The following ACP1 variants were observed in gnomAD, a reference collection of about 807,000 sequenced individuals.
ACP1 encodes acid phosphatase 1.
Under a neutral mutation model 23.4 loss-of-function variants are expected in ACP1, and 23 were observed. That is an observed-to-expected ratio of 0.98 (90% confidence interval 0.71 to 1.39). ACP1 has a LOEUF of 1.39. ACP1 is among the 40% of genes most tolerant of loss of function. The pLI, the probability that ACP1 is intolerant of heterozygous loss-of-function variation, is 0.00. For synonymous variants in ACP1, 72 were observed against 67.2 expected (o/e 1.07, Z -0.35); for missense variants, 180 against 197.7 (o/e 0.91, Z 0.54).
intron 1 of ACP1, chr2:265,302 A>T: frequency 2.7e-6 from 1 of 373,268 alleles, no homozygotes; most frequent in Non-Finnish European, 4.8e-6. Flanking sequence ...GACTACTAGA[A>T]TCCCTCTCGT....
chr2:267,505 C>A (rs944103001), intron 1 of ACP1, among the ~76,000 whole-genome samples: 1 of 152,142 alleles, frequency 6.6e-6, no homozygotes, highest in Admixed American at 6.5e-5. Context: ...GGAAGCAAGC[C>A]TAGGATATTT....
chr2:277,436 C>G lies in ACP1; in HGVS notation c.*132C>G. 2 of 757,656 alleles carry G rather than the reference C, an allele frequency of 2.6e-6. No individual in the cohort carries two copies. Among genetic ancestry groups the G allele is most frequent in the Non-Finnish European group, 4.6e-6 (2 of 437,614 alleles). 46.9% of individuals were successfully genotyped at this position (757,656 alleles called of 1,614,324 possible). On this transcript the variant is annotated 3_prime_UTR_variant, in exon 6 of 6. Transcript: ENST00000272065. ...TGTTCAGTTGACTTACTGTTTCTTA[C>G]CTTAAAAAGTAATTGTAGATGGAAA... is the stretch of plus-strand genomic sequence containing the variant.
intron 3 of ACP1, among the ~76,000 whole-genome samples, chr2:273,835 T>A (rs1670106064): frequency 6.6e-6 from 1 of 152,208 alleles, no homozygotes; most frequent in Non-Finnish European, 1.5e-5. Context: ...TAGTATTAAA[T>A]CCTAGGGAAT....
intron 1 of ACP1, 144 bp downstream of exon 1, chr2:265,151 G>T (rs933453010): frequency 3.3e-6 from 3 of 907,242 alleles, no homozygotes; most frequent in Non-Finnish European, 4.8e-6. Flanking sequence ...CTAGGAGTGT[G>T]CCGCAGCGCC....
At chr2:266,913 A>T (rs1479553566) in intron 1 of ACP1, among the ~76,000 whole-genome samples, 1 of 152,082 alleles carries the variant, frequency 6.6e-6, no homozygotes, top group African/African-American at 2.4e-5. Context: ...ATTTCGGGCC[A>T]TTATTAGTAA....
Position 276,477 on chromosome 2 carries a change from G to A in ACP1, c.294-503G>A, listed in dbSNP as rs552679203. On this transcript the variant is annotated intron_variant, in intron 4 of 5. Coordinates refer to ENST00000272065, the MANE Select transcript of ACP1 (RefSeq NM_004300.4). ...GTTAAGTTTGCCTTTTTCTTTTGTA[G>A]CAATGTGAAAGCTAAGGGTGGAAGT... Among the ~76,000 whole-genome samples, 43 of 152,264 alleles carry A rather than the reference G, an allele frequency of 2.8e-4. No homozygotes were observed. In the South Asian group the frequency reaches 3.7e-3, roughly 13 times the overall value.
intron 1 of ACP1, 31 bp from the exon 2 acceptor site, chr2:271,835 C>G: frequency 1.9e-6 from 3 of 1,585,798 alleles, no homozygotes; most frequent in Non-Finnish European, 2.6e-6. Flanking sequence ...CCAACCTAAC[C>G]CTGTTTCCCC....
chr2:267,437 T>C (rs1669920838), intron 1 of ACP1, among the ~76,000 whole-genome samples: 1 of 152,136 alleles, frequency 6.6e-6, no homozygotes, highest in Non-Finnish European at 1.5e-5. Context: ...TTGAGTGGGA[T>C]GGTCAGGGAA....
chr2:272,271 A>G, intron 3 of ACP1, 121 bp downstream of exon 3: 1 of 1,614,098 alleles, frequency 6.2e-7, no homozygotes, highest in Non-Finnish European at 8.5e-7. Flanking sequence ...TGCCTAAGAA[A>G]TCATGGCATT....
chr2:277,385 G>C lies in ACP1; in HGVS notation c.*81G>C. ...CATTTCTCAGTCGGTGTGTAATCAC[G>C]TTCCAGGGCCCAAAGCCCAGCTCTT... On this transcript the variant is annotated 3_prime_UTR_variant, in exon 6 of 6. Coordinates refer to ENST00000272065, the MANE Select transcript of ACP1 (RefSeq NM_004300.4). The C allele has an allele frequency of 8.0e-7, 1 of 1,251,356 alleles. No individual in the cohort carries two copies. The highest frequency in any genetic ancestry group is 1.2e-6 in the Non-Finnish European group (1 of 850,980). The allele number at this position is 1,251,356 out of a possible 1,614,324, so 77.5% of individuals were successfully genotyped here.
chr2:270,189 A>G (rs138514076), intron 1 of ACP1, among the ~76,000 whole-genome samples: 127 of 152,354 alleles, frequency 8.3e-4, no homozygotes, highest in African/African-American at 3.0e-3. Context: ...TCTTCAGGTT[A>G]GGGCACAGTG....
intron 3 of ACP1, chr2:272,398 G>A (rs1670071248): frequency 1.3e-6 from 2 of 1,503,562 alleles, no homozygotes; most frequent in Non-Finnish European, 1.8e-6. Context: ...TAATGAATGT[G>A]TTTATTTAGG....
intron 1 of ACP1, among the ~76,000 whole-genome samples, chr2:269,651 C>T (rs1017293238): frequency 6.6e-6 from 1 of 152,142 alleles, no homozygotes; most frequent in Non-Finnish European, 1.5e-5. Flanking sequence ...GAAGCAAGGT[C>T]GTAGAAACCA....
At chr2:266,709 C>T (rs188754884) in intron 1 of ACP1, among the ~76,000 whole-genome samples, 9 of 152,286 alleles carry the variant, frequency 5.9e-5, no homozygotes, top group Non-Finnish European at 8.8e-5. Context: ...AGACAGCAGA[C>T]GATCAGGAAT....
At chr2:267,853 C>T (rs1669930111) in intron 1 of ACP1, among the ~76,000 whole-genome samples, 1 of 152,166 alleles carries the variant, frequency 6.6e-6, no homozygotes, top group Non-Finnish European at 1.5e-5. Flanking sequence ...ACAAAGTAGC[C>T]ATCCATATGA....
chr2:265,408 T>C (rs976719734), intron 1 of ACP1: 2 of 172,340 alleles, frequency 1.2e-5, no homozygotes, highest in East Asian at 3.1e-4. Context: ...TTTTGTTTGC[T>C]AGTTTCCTTA....
intron 1 of ACP1, among the ~76,000 whole-genome samples, chr2:269,639 C>T (rs1359899338): frequency 6.6e-6 from 1 of 152,194 alleles, no homozygotes; most frequent in African/African-American, 2.4e-5. Context: ...AGAGCAGCCC[C>T]AGAAGCAAGG....
At chr2:273,443 G>C (rs1670096451) in intron 3 of ACP1, among the ~76,000 whole-genome samples, 2 of 152,374 alleles carry the variant, frequency 1.3e-5, no homozygotes, top group South Asian at 4.1e-4. Flanking sequence ...GGAGTCTGCA[G>C]ATTGGGGCCT....
intron 2 of ACP1, 38 bp from the exon 3 acceptor site, chr2:271,997 GCA>G: frequency 1.7e-6 from 2 of 1,148,150 alleles, no homozygotes; most frequent in African/African-American, 2.9e-5. Context: ...GCAGGAAATT[GCA>G]AAAAAAAAAA....
Sources: gnomAD v4.1 joint callset for allele counts (sites outside exome capture counted in the v4.1 genomes callset) on GRCh38, gnomAD v4.1.1 for gene constraint, MANE v1.5 for transcripts, NCBI Gene and HGNC (gene_info 2026-07-23, HGNC 2026-07-21) for gene names.